SLC5A7: variants seen among roughly 807,000 people sequenced by gnomAD.
SLC5A7 encodes the protein high affinity choline transporter 1.
SLC5A7 carries 19 observed loss-of-function variants against 55.4 expected under a neutral mutation model. That is an observed-to-expected ratio of 0.34 (90% confidence interval 0.24 to 0.50). The LOEUF (loss-of-function observed/expected upper bound fraction) is 0.50. Ranked by LOEUF, SLC5A7 falls within the 20% of genes least tolerant of loss-of-function variation. SLC5A7 has a pLI of 0.98. For missense variants in SLC5A7, 506 were observed against 705.3 expected (o/e 0.72, Z 3.20); for synonymous variants, 265 against 263.7 (o/e 1.00, Z -0.05).
In SLC5A7 at chr2:108,001,996, G is replaced by A; in HGVS notation, c.697G>A (p.Asp233Asn). ...KYQKPWLGTV[D>N]SSEVYSWLDS... The stretch of plus-strand genomic sequence containing the variant: ...CCAAAAGCCGTGGCTGGGAACTGTT[G>A]ACTCATCTGAAGTCTACTCTTGGCT... Residue 233 changes from aspartate (D) to asparagine (N), a missense_variant, in exon 6 of 9, where the codon GAC becomes AAC. By Grantham distance (23) the Asp-to-Asn change is conservative (BLOSUM62 1). Transcript: ENST00000264047. 1 of 1,614,146 alleles carries A rather than the reference G, an allele frequency of 6.2e-7. No homozygotes were observed. Among genetic ancestry groups the A allele is most frequent in the Non-Finnish European group, 8.5e-7 (1 of 1,180,020 alleles).
intron 6 of SLC5A7, among the ~76,000 whole-genome samples, chr2:108,003,489 G>A (rs1573609133): frequency 6.6e-6 from 1 of 152,176 alleles, no homozygotes; most frequent in East Asian, 1.9e-4. Context: ...AGTAGTACAT[G>A]TTGAATAAAT....
At chr2:108,002,074 A>C (rs762841032) in intron 6 of SLC5A7, 34 bp downstream of exon 6, 1 of 1,583,408 alleles carries the variant, frequency 6.3e-7, no homozygotes, top group East Asian at 2.3e-5. Context: ...AATGTGATTT[A>C]ATTGTTCCTG....
Position 108,012,109 on chromosome 2 carries a change from T to C in SLC5A7, c.*1248T>C, listed in dbSNP as rs1678350508. On this transcript the variant is annotated 3_prime_UTR_variant, in exon 9 of 9. Transcript: ENST00000264047. ...TGATGTCTAGATAACATTCATGAGA[T>C]TGGTCATTAAATACTATTTTGCTCC... 6.6e-6 allele frequency: 1 copy of C among 152,510 alleles called. No individual in the cohort carries two copies. The highest frequency in any genetic ancestry group is 2.4e-5 in the African/African-American group (1 of 41,432). 9.4% of individuals were successfully genotyped at this position (152,510 alleles called of 1,614,324 possible).
In SLC5A7 at chr2:108,013,216, GC is replaced by G. The variant is rs1323941359; in HGVS notation, c.*2358del. 1 of 151,970 alleles carries G rather than the reference GC, an allele frequency of 6.6e-6. No homozygotes were observed. Among genetic ancestry groups the G allele is most frequent in the Non-Finnish European group, 1.5e-5 (1 of 67,982 alleles). The allele number at this position is 151,970 out of a possible 1,614,324, so 9.4% of individuals were successfully genotyped here. ...AGACAGAAACAGGGGGAAAATGTTT[GC>G]CCTGTTCAAAGTACTAAAACTAGAT... On this transcript the variant is annotated 3_prime_UTR_variant, in exon 9 of 9. Transcript: ENST00000264047.
At chr2:108,000,441 A>T (rs902685608) in intron 5 of SLC5A7, among the ~76,000 whole-genome samples, 11 of 151,924 alleles carry the variant, frequency 7.2e-5, no homozygotes, top group Admixed American at 2.6e-4. Flanking sequence ...TATAATTTTT[A>T]AAAAATTTTT....
chr2:108,008,974 T>G (rs556045836), intron 8 of SLC5A7, among the ~76,000 whole-genome samples: 16 of 151,982 alleles, frequency 1.1e-4, no homozygotes, highest in African/African-American at 3.9e-4. Context: ...GAAAGAGTAA[T>G]GAAACCTAAA....
Position 107,988,175 on chromosome 2 carries a change from G to C in SLC5A7, c.20G>C (p.Gly7Ala). MAFHVE[G>A]LIAIIVFYLL... is the part of the protein sequence containing the mutation. The stretch of plus-strand genomic sequence containing the variant: ...ATAAAAATGGCTTTCCATGTGGAAG[G>C]ACTGATAGCTATCATCGTGTTCTAC... The change falls in exon 2 of 9, where the codon GGA becomes GCA. Residue 7 changes from glycine to alanine, a missense_variant. Around this residue, in one of 4 missense-constraint regions of SLC5A7, gnomAD observed 56 missense variants for 62.6 expected, o/e 0.89. Transcript: ENST00000264047. 6.2e-7 allele frequency: 1 copy of C among 1,613,848 alleles called. No individual in the cohort carries two copies. Among genetic ancestry groups the C allele is most frequent in the Non-Finnish European group, 8.5e-7 (1 of 1,179,784 alleles).
intron 4 of SLC5A7, among the ~76,000 whole-genome samples, chr2:107,995,470 A>AGAGTGTGTGTGTGTGT: frequency 7.3e-6 from 1 of 137,258 alleles, no homozygotes; most frequent in African/African-American, 2.8e-5. Flanking sequence ...AGAGAGAGAG[A>AGAGTGTGTGTGTGTGT]GTGTGTGTGT....
chr2:107,992,920 CTAT>C, intron 3 of SLC5A7, 49 bp from the exon 4 acceptor site: 7 of 1,580,416 alleles, frequency 4.4e-6, no homozygotes, highest in Non-Finnish European at 5.2e-6. Context: ...TAGTAAAAGA[CTAT>C]TATATTACAT....
chr2:108,007,825 C>G (rs1678181282), intron 7 of SLC5A7, among the ~76,000 whole-genome samples: 1 of 152,172 alleles, frequency 6.6e-6, no homozygotes, highest in Non-Finnish European at 1.5e-5. Flanking sequence ...CTACAACTAA[C>G]CAGTAAAGAA....
chr2:108,000,389 G>T (rs1466851179), intron 5 of SLC5A7, among the ~76,000 whole-genome samples: 1 of 151,962 alleles, frequency 6.6e-6, no homozygotes, highest in Non-Finnish European at 1.5e-5. Flanking sequence ...ACATAAAAGT[G>T]TGTGTGCCTA....
intron 4 of SLC5A7, among the ~76,000 whole-genome samples, chr2:107,996,576 A>C (rs1339745355): frequency 1.3e-5 from 2 of 152,176 alleles, no homozygotes; most frequent in Admixed American, 6.5e-5. Flanking sequence ...GATCCATTAC[A>C]TGTATGCATT....
chr2:108,013,849 A>T lies in SLC5A7; in HGVS notation c.*2988A>T, dbSNP rs1214758911. The T allele has an allele frequency of 6.6e-6, 1 of 152,168 alleles. No individual in the cohort carries two copies. The highest frequency in any genetic ancestry group is 2.4e-5 in the African/African-American group (1 of 41,454). The allele number at this position is 152,168 out of a possible 1,614,324, so 9.4% of individuals were successfully genotyped here. ...CAACAAGTTGTTTCAAACAGCATCA[A>T]AATACAACTTCATTGCTACACTTAC... On this transcript the variant is annotated 3_prime_UTR_variant, in exon 9 of 9. Coordinates refer to ENST00000264047, the MANE Select transcript of SLC5A7 (RefSeq NM_021815.5).
chr2:107,995,245 G>A (rs549202504), intron 4 of SLC5A7, among the ~76,000 whole-genome samples: 1 of 152,136 alleles, frequency 6.6e-6, no homozygotes, highest in South Asian at 2.1e-4. Flanking sequence ...TAGCTATAAT[G>A]TCACTAAGCA....
At chr2:107,992,925 A>G (rs780892950) in intron 3 of SLC5A7, 47 bp from the exon 4 acceptor site, 6 of 1,597,300 alleles carry the variant, frequency 3.8e-6, no homozygotes, top group Non-Finnish European at 5.1e-6. Context: ...AAAGACTATT[A>G]TATTACATTC....
rs145552488 is a variant in SLC5A7, at chr2:108,012,315, A to G, written c.*1454A>G. 9.2e-4 allele frequency: 140 copies of G among 152,300 alleles called. 2 individuals are homozygous for G. The highest frequency in any genetic ancestry group is 3.3e-3 in the African/African-American group (138 of 41,570). 9.4% of individuals were successfully genotyped at this position (152,300 alleles called of 1,614,324 possible). On this transcript the variant is annotated 3_prime_UTR_variant, in exon 9 of 9. Coordinates refer to ENST00000264047, the MANE Select transcript of SLC5A7 (RefSeq NM_021815.5). The stretch of plus-strand genomic sequence containing the variant: ...AGCTGAAAAGTGATCAGGGAATCTG[A>G]TCCCATAAAGAAAGTGAGTCTGAAT...
chr2:107,993,146 G>A lies in SLC5A7; in HGVS notation c.448+19G>A. The A allele has an allele frequency of 1.9e-6, 3 of 1,613,618 alleles. No homozygotes were observed. Among genetic ancestry groups the A allele is most frequent in the Non-Finnish European group, 2.5e-6 (3 of 1,179,634 alleles). On this transcript the variant is annotated intron_variant, in intron 4 of 8. Transcript: ENST00000264047. ...GCTTTGGGTAAGGACCAGCTAAGTTGTCTAGCTGCATCTTTGTAGTTAACT... is the reference window on the plus strand; with the variant it reads ...GCTTTGGGTAAGGACCAGCTAAGTTATCTAGCTGCATCTTTGTAGTTAACT...
intron 6 of SLC5A7, among the ~76,000 whole-genome samples, chr2:108,004,977 A>C (rs1678047712): frequency 6.6e-6 from 1 of 152,208 alleles, no homozygotes; most frequent in Admixed American, 6.5e-5. Flanking sequence ...ATTATAGTTT[A>C]AACGTTTTTT....
intron 8 of SLC5A7, among the ~76,000 whole-genome samples, chr2:108,009,296 A>G (rs1678228636): frequency 6.6e-6 from 1 of 151,992 alleles, no homozygotes; most frequent in Admixed American, 6.6e-5. Flanking sequence ...ATTTTTTTTA[A>G]TTAACCAAAG....
Sources: gnomAD v4.1 joint callset for allele counts (sites outside exome capture counted in the v4.1 genomes callset) on GRCh38, gnomAD v4.1.1 for gene constraint, gnomAD v4.1.1 regional missense constraint, MANE v1.5 for transcripts, NCBI Gene and HGNC (gene_info 2026-07-23, HGNC 2026-07-21) for gene names.